The following RBFOX1 variants were observed in gnomAD, a reference collection of about 807,000 sequenced individuals.
RBFOX1 encodes RNA binding protein fox-1 homolog 1.
A neutral mutation model predicts 57.7 loss-of-function variants in RBFOX1; 8 were observed. The observed-to-expected ratio is 0.14, with a 90% confidence interval of 0.08 to 0.25. RBFOX1 has a LOEUF of 0.25. Ranked by LOEUF, RBFOX1 falls within the 10% of genes least tolerant of loss-of-function variation. The pLI is 1.00. For missense variants in RBFOX1, 611 were observed against 548.5 expected (o/e 1.11, Z -1.14); for synonymous variants, 326 against 222.4 (o/e 1.47, Z -4.15).
chr16:7,302,058 C>T (rs933762842), intron 4 of RBFOX1, among the ~76,000 whole-genome samples: 49 of 152,270 alleles, frequency 3.2e-4, no homozygotes, highest in African/African-American at 1.1e-3. Flanking sequence ...CAGCACCCCC[C>T]AATAAAAGCA....
intron 3 of RBFOX1, among the ~76,000 whole-genome samples, chr16:6,843,869 C>T (rs937796322): frequency 6.6e-6 from 1 of 152,146 alleles, no homozygotes; most frequent in African/African-American, 2.4e-5. Flanking sequence ...TCAATATCTT[C>T]ATATCCCCTG....
At chr16:5,264,815 C>G (rs570902686) in intron 1 of RBFOX1, among the ~76,000 whole-genome samples, 4 of 152,064 alleles carry the variant, frequency 2.6e-5, no homozygotes, top group East Asian at 1.9e-4. Flanking sequence ...TGGTGATACT[C>G]CAGGTAATGC....
chr16:6,456,981 A>G (rs1558351), intron 2 of RBFOX1, among the ~76,000 whole-genome samples: 121,442 of 152,062 alleles, frequency 0.8, 48,600 homozygotes, highest in Middle Eastern at 0.87. Flanking sequence ...TTAGGAGAAG[A>G]TAGATGTTAA....
intron 4 of RBFOX1, among the ~76,000 whole-genome samples, chr16:7,453,566 C>G (rs193239900): frequency 1.2e-4 from 19 of 152,236 alleles, no homozygotes; most frequent in African/African-American, 4.6e-4. Context: ...AAGCCAGGAG[C>G]TCTGAGAAAA....
intron 14 of RBFOX1, among the ~76,000 whole-genome samples, chr16:7,678,622 GA>G (rs554301790): frequency 1.3e-5 from 2 of 149,276 alleles, no homozygotes; most frequent in South Asian, 2.1e-4. Flanking sequence ...TCCCCAAGTT[GA>G]AAAAAAAAGA....
intron 3 of RBFOX1, among the ~76,000 whole-genome samples, chr16:6,699,783 G>A (rs912734285): frequency 1.3e-5 from 2 of 152,234 alleles, no homozygotes; most frequent in Admixed American, 1.3e-4. Context: ...ATAAGGACAT[G>A]AACACATGCA....
At chr16:5,762,783 G>A (rs1423305758) in intron 3 of RBFOX1, among the ~76,000 whole-genome samples, 1 of 152,144 alleles carries the variant, frequency 6.6e-6, no homozygotes, top group Non-Finnish European at 1.5e-5. Flanking sequence ...GGATAATTCT[G>A]TCATTTACAT....
intron 4 of RBFOX1, among the ~76,000 whole-genome samples, chr16:7,397,320 A>G (rs1031542674): frequency 6.6e-6 from 1 of 152,194 alleles, no homozygotes; most frequent in Admixed American, 6.5e-5. Context: ...TTAACATGCT[A>G]TTCACTTTGC....
chr16:6,743,012 A>T (rs1470680738), intron 3 of RBFOX1, among the ~76,000 whole-genome samples: 1 of 152,204 alleles, frequency 6.6e-6, no homozygotes, highest in African/African-American at 2.4e-5. Flanking sequence ...TAGTTGCATA[A>T]GATGTAACAA....
intron 3 of RBFOX1, among the ~76,000 whole-genome samples, chr16:5,858,800 C>A (rs1457255710): frequency 2.0e-5 from 3 of 152,146 alleles, no homozygotes; most frequent in African/African-American, 4.8e-5. Flanking sequence ...TGGGCTCTTT[C>A]CTTTTTTACA....
At chr16:5,876,041 C>T (rs550756436) in intron 4 of RBFOX1, among the ~76,000 whole-genome samples, 66 of 152,124 alleles carry the variant, frequency 4.3e-4, no homozygotes, top group South Asian at 8.3e-4. Flanking sequence ...GAAGGGGTTT[C>T]GCCGTGTTAG....
chr16:6,220,144 A>G (rs1344071832), intron 1 of RBFOX1, among the ~76,000 whole-genome samples: 1 of 152,156 alleles, frequency 6.6e-6, no homozygotes, highest in Non-Finnish European at 1.5e-5. Context: ...CTATCTCGAT[A>G]TAGGTATCTA....
chr16:6,686,047 C>T (rs530173624), intron 3 of RBFOX1, among the ~76,000 whole-genome samples: 2 of 152,030 alleles, frequency 1.3e-5, no homozygotes, highest in African/African-American at 2.4e-5. Context: ...TGAAAATGTC[C>T]CATATGTTTG....
At chr16:6,627,849 T>C (rs529713312) in intron 2 of RBFOX1, among the ~76,000 whole-genome samples, 1 of 152,272 alleles carries the variant, frequency 6.6e-6, no homozygotes, top group East Asian at 1.9e-4. Flanking sequence ...TGTGTCTCAG[T>C]ACAAAAGGAG....
intron 3 of RBFOX1, among the ~76,000 whole-genome samples, chr16:6,795,396 C>A (rs188072179): frequency 3.3e-5 from 5 of 152,222 alleles, no homozygotes; most frequent in African/African-American, 1.2e-4. Context: ...AAAATCAGCT[C>A]TGGGGAGTTT....
At chr16:5,586,268 C>T (rs2151170008) in intron 2 of RBFOX1, among the ~76,000 whole-genome samples, 1 of 152,254 alleles carries the variant, frequency 6.6e-6, no homozygotes, top group East Asian at 1.9e-4. Context: ...GAATACATTT[C>T]ACTTATTTTA....
At position 6,335,700 on chromosome 16, in the gene RBFOX1, C is replaced by G. The variant is rs567352307; in HGVS notation, c.-64+18643C>G. On this transcript the variant is annotated intron_variant, in intron 2 of 15. Coordinates refer to ENST00000550418, the MANE Select transcript of RBFOX1 (RefSeq NM_018723.4). ...GGCTGAAGCAGGAGAATCGGTTGAA[C>G]CCGGGAGCCGGAGATTGCAGTAAGC... Among the ~76,000 whole-genome samples, 9 of 149,704 alleles carry G rather than the reference C, an allele frequency of 6.0e-5. No homozygotes were observed. In the East Asian group the frequency reaches 1.8e-3, roughly 30 times the overall value.
chr16:7,037,198 C>G (rs1355578335), intron 3 of RBFOX1, among the ~76,000 whole-genome samples: 1 of 138,528 alleles, frequency 7.2e-6, no homozygotes, highest in Non-Finnish European at 1.5e-5. Flanking sequence ...CCTTAGCCAT[C>G]TGGGAATGCA....
At chr16:7,487,583 T>A (rs2065760357) in intron 4 of RBFOX1, among the ~76,000 whole-genome samples, 2 of 152,082 alleles carry the variant, frequency 1.3e-5, no homozygotes, top group African/African-American at 2.4e-5. Flanking sequence ...CCATCTCTCT[T>A]CCCATGCATG....
Sources: allele counts gnomAD v4.1 joint callset (sites outside exome capture counted in the v4.1 genomes callset), GRCh38; gene constraint gnomAD v4.1.1; transcripts MANE v1.5; gene names NCBI Gene and HGNC (gene_info 2026-07-23, HGNC 2026-07-21).